The following NOSTRIN variants were observed in gnomAD, a reference collection of about 807,000 sequenced individuals.
The protein encoded by NOSTRIN is BM247 homolog.
NOSTRIN carries 63 observed loss-of-function variants against 59.0 expected under a neutral mutation model. The observed-to-expected ratio is 1.07, with a 90% CI of 0.87 to 1.32. The LOEUF is 1.32. Among genes scored for constraint, NOSTRIN ranks in the 40% most tolerant of loss-of-function variants. NOSTRIN has a pLI of 0.00. For synonymous variants in NOSTRIN, 200 were observed against 165.4 expected (o/e 1.21, Z -1.61); for missense variants, 512 against 473.1 (o/e 1.08, Z -0.76).
upstream of NOSTRIN, among the ~76,000 whole-genome samples, chr2:168,796,863 A>G (rs2105504989): frequency 6.6e-6 from 1 of 152,242 alleles, no homozygotes; most frequent in African/African-American, 2.4e-5. Flanking sequence ...AGCTGAGGAT[A>G]TGGGCCTACC....
chr2:168,849,144 GCCAA>G (rs913354409), intron 8 of NOSTRIN, among the ~76,000 whole-genome samples: 3 of 152,216 alleles, frequency 2.0e-5, no homozygotes, highest in African/African-American at 7.2e-5. Flanking sequence ...CTCTTGCACT[GCCAA>G]GGGCCTTGAG....
At chr2:168,812,478 A>G (rs1410231601) in intron 2 of NOSTRIN, among the ~76,000 whole-genome samples, 1 of 152,158 alleles carries the variant, frequency 6.6e-6, no homozygotes, top group African/African-American at 2.4e-5. Flanking sequence ...TCTTCTGAAA[A>G]CGAGTTAGAT....
At chr2:168,833,152 TATA>T (rs1418972474) in intron 6 of NOSTRIN, among the ~76,000 whole-genome samples, 2 of 152,240 alleles carry the variant, frequency 1.3e-5, no homozygotes, top group Non-Finnish European at 2.9e-5. Flanking sequence ...ATTATTGGGC[TATA>T]ATAATTTTCT....
chr2:168,788,043 A>C (rs1427340220), exon 2 of NOSTRIN: 1 of 152,048 alleles, frequency 6.6e-6, no homozygotes, highest in African/African-American at 2.4e-5. Context: ...AATAGTGATA[A>C]GAAAGGTAAG....
At chr2:168,816,506 C>G (rs988488609) in intron 2 of NOSTRIN, among the ~76,000 whole-genome samples, 1 of 152,144 alleles carries the variant, frequency 6.6e-6, no homozygotes. Flanking sequence ...ACCACCACCA[C>G]CACCACACGT....
chr2:168,798,824 T>TAGACAGAC (rs1553519850), upstream of NOSTRIN, among the ~76,000 whole-genome samples: 38 of 150,506 alleles, frequency 2.5e-4, no homozygotes, highest in South Asian at 2.1e-4. Context: ...GATAGATAGA[T>TAGACAGAC]AGACAGACAG....
intron 12 of NOSTRIN, 155 bp from the exon 13 acceptor site, chr2:168,859,357 A>T (rs1380141168): frequency 2.7e-6 from 3 of 1,117,008 alleles, no homozygotes; most frequent in Non-Finnish European, 3.7e-6. Context: ...TTATTCCTCC[A>T]TTTTTTTTTC....
At chr2:168,859,901 T>G (rs1462360118) in intron 13 of NOSTRIN, among the ~76,000 whole-genome samples, 1 of 152,234 alleles carries the variant, frequency 6.6e-6, no homozygotes, top group Non-Finnish European at 1.5e-5. Context: ...TACCTGAATT[T>G]CATCCTTTGG....
At position 168,864,835 on chromosome 2, in the gene NOSTRIN, T is replaced by TGAC; in HGVS notation, c.1387_1389dup (p.Asp463dup). 6.2e-7 allele frequency: 1 copy of TGAC among 1,613,820 alleles called. No individual in the cohort carries two copies. The highest frequency in any genetic ancestry group is 8.5e-7 in the Non-Finnish European group (1 of 1,179,808). On this transcript the variant is annotated inframe_insertion and splice_region_variant, in exon 16 of 16. Transcript: ENST00000317647. ...ATTTGTCTAACTGTATTTTCACAGG[T>TGAC]GACATTGTGATTATACACGAGAAAA... is the stretch of plus-strand genomic sequence containing the variant.
chr2:168,822,738 T>G (rs1181781754), intron 2 of NOSTRIN, among the ~76,000 whole-genome samples: 1 of 152,218 alleles, frequency 6.6e-6, no homozygotes, highest in Admixed American at 6.5e-5. Context: ...AAGATGAGAA[T>G]GATTCAATCT....
chr2:168,843,006 G>A lies in NOSTRIN; in HGVS notation c.519G>A (p.Leu173=). 1.1e-6 allele frequency: 1 copy of A among 872,450 alleles called. No homozygotes were observed. Among genetic ancestry groups the A allele is most frequent in the African/African-American group, 1.6e-5 (1 of 61,398 alleles). 54.0% of individuals were successfully genotyped at this position (872,450 alleles called of 1,614,324 possible). Residue 173 remains leucine, a synonymous_variant, in exon 8 of 16, where the codon CTG becomes CTA. Transcript: ENST00000317647. The part of the protein sequence containing the change: ...EKEKRKLLNK[L]TKSTEKLEKE... Reference sequence around the variant, plus strand: ...TTTTACATTAGCTCCTCAATAAACTGACAAAATCAACTGAAAAGTTGGAAA... The same window carrying A: ...TTTTACATTAGCTCCTCAATAAACTAACAAAATCAACTGAAAAGTTGGAAA...
chr2:168,792,944 C>G (rs1240875246), intron 2 of NOSTRIN, among the ~76,000 whole-genome samples: 1 of 152,144 alleles, frequency 6.6e-6, no homozygotes, highest in African/African-American at 2.4e-5. Flanking sequence ...AGAAATTTCT[C>G]CCAAAGTTAG....
At chr2:168,791,620 T>C (rs1203068926) in intron 2 of NOSTRIN, among the ~76,000 whole-genome samples, 1 of 152,158 alleles carries the variant, frequency 6.6e-6, no homozygotes. Context: ...AGTGTAAAAG[T>C]GTTCCTATTT....
At chr2:168,836,660 C>G (rs1687739197) in intron 7 of NOSTRIN, among the ~76,000 whole-genome samples, 1 of 152,166 alleles carries the variant, frequency 6.6e-6, no homozygotes, top group African/African-American at 2.4e-5. Flanking sequence ...TCCACACACT[C>G]CTGGCACAGT....
chr2:168,811,709 A>G, intron 2 of NOSTRIN, 57 bp downstream of exon 2: 1 of 742,366 alleles, frequency 1.3e-6, no homozygotes. Flanking sequence ...AGCAAGTGAT[A>G]TGACTGGAGG....
chr2:168,856,200 T>G (rs1003061778), intron 11 of NOSTRIN: 1 of 225,092 alleles, frequency 4.4e-6, no homozygotes, highest in African/African-American at 2.4e-5. Flanking sequence ...TTTCATTAAG[T>G]GAAGAGAAAG....
At chr2:168,851,031 T>G in intron 8 of NOSTRIN, 53 bp from the exon 9 acceptor site, 1 of 1,049,970 alleles carries the variant, frequency 9.5e-7, no homozygotes, top group African/African-American at 1.5e-5. Flanking sequence ...GATGAGTGAC[T>G]TCCATTTTGC....
rs375743309 is a variant in NOSTRIN at position 168,859,541 on chromosome 2, G to A, written c.1083G>A (p.Ala361=). The A allele has an allele frequency of 1.5e-4, 243 of 1,613,862 alleles. No individual in the cohort carries two copies. Among genetic ancestry groups the A allele is most frequent in the Non-Finnish European group, 2.0e-4 (232 of 1,179,960 alleles). The change falls in exon 13 of 16, where the codon GCG becomes GCA. Residue 361 remains alanine (A), a synonymous_variant. Transcript: ENST00000317647. The part of the protein sequence containing the change: ...ENNLKLDLLE[A]NSYKLSSMLA... Reference sequence around the variant, plus strand: ...ATTTGAAACTAGACCTTTTGGAAGCGAACTCCTACAAACTGTCATCAATGT... The same window carrying A: ...ATTTGAAACTAGACCTTTTGGAAGCAAACTCCTACAAACTGTCATCAATGT...
intron 7 of NOSTRIN, among the ~76,000 whole-genome samples, chr2:168,838,122 A>T (rs970705613): frequency 6.6e-6 from 1 of 152,220 alleles, no homozygotes; most frequent in Non-Finnish European, 1.5e-5. Context: ...ACCCAAATTT[A>T]TATCTCCAGT....
Sources: allele counts gnomAD v4.1 joint callset (sites outside exome capture counted in the v4.1 genomes callset), GRCh38; gene constraint gnomAD v4.1.1; transcripts MANE v1.5; gene names NCBI Gene and HGNC (gene_info 2026-07-23, HGNC 2026-07-21).